Variants in RUNDC3B observed in about 807,000 individuals in gnomAD.
RUNDC3B encodes the protein RUN domain-containing protein 3B.
A neutral mutation model predicts 58.4 loss-of-function variants in RUNDC3B; 33 were observed. The ratio of observed to expected loss-of-function variants is 0.56; its 90% CI spans 0.43 to 0.75. The LOEUF (loss-of-function observed/expected upper bound fraction) is 0.75. Ranked by LOEUF, RUNDC3B falls within the 30% of genes least tolerant of loss-of-function variation. The pLI, the probability that RUNDC3B is intolerant of heterozygous loss-of-function variation, is 0.00. For synonymous variants in RUNDC3B, 193 were observed against 195.2 expected, an observed-to-expected ratio of 0.99 and a Z score of 0.10; for missense variants, 501 against 535.7, an observed-to-expected ratio of 0.94 and a Z score of 0.64.
chr7:87,816,056 C>A, intron 9 of RUNDC3B, 85 bp from the exon 10 acceptor site: 1 of 933,894 alleles, frequency 1.1e-6, no homozygotes, highest in Non-Finnish European at 1.6e-6. Context: ...AGAAATTTAA[C>A]ATATTGAAAA....
At chr7:87,713,896 AT>A (rs2130754582) in intron 4 of RUNDC3B, among the ~76,000 whole-genome samples, 1 of 152,300 alleles carries the variant, frequency 6.6e-6, no homozygotes, top group African/African-American at 2.4e-5. Flanking sequence ...ATGGAAATTC[AT>A]TTGTTTACTT....
chr7:87,717,693 C>CA (rs1447451709), intron 4 of RUNDC3B, among the ~76,000 whole-genome samples: 1 of 152,032 alleles, frequency 6.6e-6, no homozygotes, highest in African/African-American at 2.4e-5. Flanking sequence ...TTTATCAAGA[C>CA]ACTTCCTCAA....
At chr7:87,739,756 T>G (rs773254627) in intron 4 of RUNDC3B, 35 bp from the exon 5 acceptor site, 6 of 988,058 alleles carry the variant, frequency 6.1e-6, no homozygotes, top group Non-Finnish European at 9.3e-6. Context: ...CATTTATTTT[T>G]AATATTTTAT....
intron 10 of RUNDC3B, among the ~76,000 whole-genome samples, chr7:87,817,826 T>C (rs995098760): frequency 1.3e-5 from 2 of 152,162 alleles, no homozygotes; most frequent in Admixed American, 1.3e-4. Flanking sequence ...TTTTCACCAG[T>C]GTATGAACTA....
chr7:87,655,243 C>T (rs986732739), intron 2 of RUNDC3B, among the ~76,000 whole-genome samples: 2 of 152,156 alleles, frequency 1.3e-5, no homozygotes, highest in Non-Finnish European at 2.9e-5. Flanking sequence ...GAAATGAAAT[C>T]AGTGTCTCGA....
At chr7:87,733,139 C>T (rs987973291) in intron 4 of RUNDC3B, among the ~76,000 whole-genome samples, 2 of 151,742 alleles carry the variant, frequency 1.3e-5, no homozygotes, top group Non-Finnish European at 2.9e-5. Flanking sequence ...GGCGCCCCCC[C>T]ATGCGTCTGT....
Position 87,725,989 on chromosome 7 carries a change from T to C in RUNDC3B, c.459-13802T>C, listed in dbSNP as rs565658508. 7.9e-5 allele frequency among the ~76,000 whole-genome samples: 12 copies of C among 152,346 alleles called. No homozygotes were observed. The South Asian group carries it at 1.0e-3, about 13-fold the overall frequency. ...TGAGTTCTTTGTAGATTCTGGATAT[T>C]AGCCCTTTGTCAGATGAGTAGATTG... On this transcript the variant is annotated intron_variant, in intron 4 of 10. Transcript: ENST00000394654.
chr7:87,724,916 T>G (rs1411121935), intron 4 of RUNDC3B, among the ~76,000 whole-genome samples: 2 of 152,020 alleles, frequency 1.3e-5, no homozygotes, highest in African/African-American at 4.8e-5. Flanking sequence ...AGTGATTTTT[T>G]GAAAATATAG....
At chr7:87,678,004 G>A (rs936985760) in intron 2 of RUNDC3B, among the ~76,000 whole-genome samples, 2 of 152,114 alleles carry the variant, frequency 1.3e-5, no homozygotes, top group Admixed American at 6.6e-5. Flanking sequence ...GGAAAACTAA[G>A]AATTATTACT....
In RUNDC3B at chr7:87,678,626, C is replaced by G. The variant is rs558162422; in HGVS notation, c.239-21795C>G. On this transcript the variant is annotated intron_variant, in intron 2 of 10. Transcript: ENST00000394654. ...AATAGATATGTTAAATATAAATGGC[C>G]TAAGCACTCCAATTAAAAGAGATTT... Among the ~76,000 whole-genome samples, 58 of 151,898 alleles carry G rather than the reference C, an allele frequency of 3.8e-4. No individual in the cohort carries two copies. In the South Asian group the frequency reaches 7.1e-3, roughly 19 times the overall value.
intron 6 of RUNDC3B, among the ~76,000 whole-genome samples, chr7:87,753,332 G>GA (rs1433952623): frequency 2.0e-5 from 3 of 151,870 alleles, no homozygotes; most frequent in African/African-American, 4.8e-5. Flanking sequence ...GTATGGTGCT[G>GA]AAAAAAATGT....
At chr7:87,631,541 C>A (rs1584948227) in intron 1 of RUNDC3B, among the ~76,000 whole-genome samples, 3 of 152,166 alleles carry the variant, frequency 2.0e-5, no homozygotes, top group African/African-American at 7.2e-5. Flanking sequence ...CAGGCGCCCG[C>A]CACCACGCCC....
At chr7:87,659,300 C>A in intron 2 of RUNDC3B, 1 of 356,944 alleles carries the variant, frequency 2.8e-6, no homozygotes, top group South Asian at 2.3e-5. Flanking sequence ...TCTCTGTTTT[C>A]TTTTTTCTGT....
At chr7:87,696,458 T>A (rs760984439) in intron 2 of RUNDC3B, among the ~76,000 whole-genome samples, 2 of 152,200 alleles carry the variant, frequency 1.3e-5, no homozygotes, top group Non-Finnish European at 2.9e-5. Context: ...GATAACTCAT[T>A]GAACACATCT....
Position 87,829,960 on chromosome 7 carries a change from G to A in RUNDC3B, c.1301G>A (p.Ser434Asn), listed in dbSNP as rs528311073. 1 of 1,608,966 alleles carries A rather than the reference G, an allele frequency of 6.2e-7. No homozygotes were observed. The highest frequency in any genetic ancestry group is 1.7e-5 in the Admixed American group (1 of 59,516). ...TSVASYKSLT[S>N]LKSNDYLASP... ...GTGGCAAGTTACAAGTCTCTAACAA[G>A]CTTAAAATCTAATGACTACCTTGCA... Residue 434 changes from serine to asparagine, a missense_variant, in exon 11 of 11, where the codon AGC becomes AAC. Coordinates refer to ENST00000394654, the MANE Select transcript of RUNDC3B (RefSeq NM_001134405.2).
At chr7:87,757,966 A>G (rs978976663) in intron 6 of RUNDC3B, among the ~76,000 whole-genome samples, 1 of 152,194 alleles carries the variant, frequency 6.6e-6, no homozygotes, top group Admixed American at 6.6e-5. Flanking sequence ...AAAGGATGAA[A>G]GTAGACCTCA....
chr7:87,686,615 T>C (rs1341660397), intron 2 of RUNDC3B, among the ~76,000 whole-genome samples: 2 of 152,010 alleles, frequency 1.3e-5, no homozygotes, highest in Non-Finnish European at 2.9e-5. Context: ...TAGTGATTTT[T>C]GTAAAGTTTA....
intron 4 of RUNDC3B, among the ~76,000 whole-genome samples, chr7:87,713,640 C>A (rs10227683): frequency 2.2e-5 from 3 of 136,708 alleles, no homozygotes; most frequent in African/African-American, 2.7e-5. Flanking sequence ...AGATTAGAAT[C>A]TAAGCTAAAA....
At chr7:87,677,553 G>T (rs1189471322) in intron 2 of RUNDC3B, among the ~76,000 whole-genome samples, 1 of 151,886 alleles carries the variant, frequency 6.6e-6, no homozygotes, top group East Asian at 1.9e-4. Flanking sequence ...TTGGTCAAAG[G>T]GTACAAGCCT....
Sources: gnomAD v4.1 joint callset for allele counts (sites outside exome capture counted in the v4.1 genomes callset) on GRCh38, gnomAD v4.1.1 for gene constraint, MANE v1.5 for transcripts, NCBI Gene and HGNC (gene_info 2026-07-23, HGNC 2026-07-21) for gene names.